KIRREL3: variants seen among roughly 807,000 people sequenced by gnomAD.
The protein encoded by KIRREL3 is kin of IRRE-like protein 3.
KIRREL3 carries 36 observed loss-of-function variants against 89.7 expected under a neutral mutation model. The observed-to-expected ratio is 0.40, with a 90% confidence interval of 0.31 to 0.53. The LOEUF (loss-of-function observed/expected upper bound fraction) is 0.53. KIRREL3 is among the 20% of genes least tolerant of loss of function. The pLI, the probability that KIRREL3 is intolerant of heterozygous loss-of-function variation, is 0.49. For synonymous variants in KIRREL3, 445 were observed against 441.4 expected (o/e 1.01, Z -0.10); for missense variants, 864 against 1,056.6 (o/e 0.82, Z 2.53).
Position 126,521,567 on chromosome 11 carries a change from G to T in KIRREL3, c.284-103C>A. Reference sequence around the variant, plus strand: ...GACCCAAGCAGGGGCCATTCTACAAGGCTGGCAGAGCGGGTGATTGCTCAG... The same window carrying T: ...GACCCAAGCAGGGGCCATTCTACAATGCTGGCAGAGCGGGTGATTGCTCAG... On this transcript the variant is annotated intron_variant, in intron 3 of 16. Coordinates refer to ENST00000525144, the MANE Select transcript of KIRREL3 (RefSeq NM_032531.4). This position sits in a 1 kb window ranked among gnomAD's most constrained non-coding sequence, Gnocchi z 4.1. 9.6e-7 allele frequency: 1 copy of T among 1,040,010 alleles called. No individual in the cohort carries two copies. Among genetic ancestry groups the T allele is most frequent in the Non-Finnish European group, 1.4e-6 (1 of 719,858 alleles). 64.4% of individuals were successfully genotyped at this position (1,040,010 alleles called of 1,614,324 possible). A position where few individuals can be genotyped will look rare whatever the true frequency, so the allele number is the denominator to read the frequency against.
At chr11:126,933,446 C>T (rs1269513054) in intron 1 of KIRREL3, among the ~76,000 whole-genome samples, 2 of 150,978 alleles carry the variant, frequency 1.3e-5, no homozygotes. Context: ...ATACTCTTTG[C>T]ATGTTTTAAA....
intron 1 of KIRREL3, among the ~76,000 whole-genome samples, chr11:126,589,286 G>A (rs1942025222): frequency 6.6e-6 from 1 of 152,240 alleles, no homozygotes; most frequent in African/African-American, 2.4e-5. Context: ...GGCAGCGTCT[G>A]CGTGCAGGGG....
rs549587747 is a variant in KIRREL3, at chr11:126,843,618, C to T, written c.55+156837G>A. Among the ~76,000 whole-genome samples the T allele has an allele frequency of 9.5e-4, 144 of 152,278 alleles. 2 individuals are homozygous for T. Among genetic ancestry groups the T allele is most frequent in the African/African-American group, 3.1e-3 (127 of 41,544 alleles). On this transcript the variant is annotated intron_variant, in intron 1 of 16. Coordinates refer to ENST00000525144, the MANE Select transcript of KIRREL3 (RefSeq NM_032531.4). The surrounding 1 kb of genome is among the most constrained non-coding windows in gnomAD (Gnocchi z 4.6). ...GTGTTTGAACCAGAGCAACTCCATCCTGAATAGGGGCTGGGTAAAATAAGG... is the reference window on the plus strand; with the variant it reads ...GTGTTTGAACCAGAGCAACTCCATCTTGAATAGGGGCTGGGTAAAATAAGG...
chr11:126,466,548 C>T (rs757877962), intron 5 of KIRREL3, among the ~76,000 whole-genome samples: 4 of 152,230 alleles, frequency 2.6e-5, no homozygotes, highest in Non-Finnish European at 5.9e-5. Flanking sequence ...GGGGGATCTG[C>T]ACCCCCGGGT....
At chr11:126,941,229 G>T (rs1052667427) in intron 1 of KIRREL3, among the ~76,000 whole-genome samples, 5 of 151,290 alleles carry the variant, frequency 3.3e-5, no homozygotes, top group African/African-American at 1.2e-4. Flanking sequence ...ATCATTTTTG[G>T]CAGTGGCCCA....
intron 5 of KIRREL3, among the ~76,000 whole-genome samples, chr11:126,468,421 C>T (rs958806039): frequency 2.0e-5 from 3 of 152,252 alleles, no homozygotes; most frequent in African/African-American, 4.8e-5. Context: ...GGCAGTGTGG[C>T]TCGCCCTGCA....
Position 126,608,824 on chromosome 11 carries a change from C to T in KIRREL3, c.56-45912G>A, listed in dbSNP as rs1943000655. ...GGGCCTAACTGCTGGGAGTGCACTT[C>T]TGGAGTGGAGATGGGCAATGGGGAT... On this transcript the variant is annotated intron_variant, in intron 1 of 16. Coordinates refer to ENST00000525144, the MANE Select transcript of KIRREL3 (RefSeq NM_032531.4). The surrounding 1 kb of genome is among the most constrained non-coding windows in gnomAD (Gnocchi z 4.9). 6.6e-6 allele frequency among the ~76,000 whole-genome samples: 1 copy of T among 152,138 alleles called. No individual in the cohort carries two copies. The highest frequency in any genetic ancestry group is 2.1e-4 in the South Asian group (1 of 4,828).
At chr11:126,809,708 C>T (rs1951318214) in intron 1 of KIRREL3, among the ~76,000 whole-genome samples, 2 of 152,158 alleles carry the variant, frequency 1.3e-5, no homozygotes, top group African/African-American at 2.4e-5. Context: ...CCTAAGGCCC[C>T]GCCCTGTACA....
chr11:126,970,293 T>TCTTCTTTTC lies in KIRREL3; in HGVS notation c.55+30153_55+30161dup, dbSNP rs1208755603. On this transcript the variant is annotated intron_variant, in intron 1 of 16. Transcript: ENST00000525144. The surrounding 1 kb of genome is among the most constrained non-coding windows in gnomAD (Gnocchi z 4.4). ...TAATTTGAGCTTTCTCAGGAAGTTC[T>TCTTCTTTTC]CTTCTTTTCCTTCTTTTCTTCCCTT... Among the ~76,000 whole-genome samples, 3 of 152,254 alleles carry TCTTCTTTTC rather than the reference T, an allele frequency of 2.0e-5. No homozygotes were observed. The highest frequency in any genetic ancestry group is 2.9e-5 in the Non-Finnish European group (2 of 68,050).
At chr11:126,507,270 G>T (rs1031823105) in intron 4 of KIRREL3, among the ~76,000 whole-genome samples, 1 of 152,062 alleles carries the variant, frequency 6.6e-6, no homozygotes, top group Non-Finnish European at 1.5e-5. Context: ...GGATTGTGGG[G>T]GTGGTTGCAC....
chr11:126,701,916 C>T (rs1016075847), intron 1 of KIRREL3, among the ~76,000 whole-genome samples: 5 of 152,100 alleles, frequency 3.3e-5, no homozygotes, highest in African/African-American at 7.2e-5. Flanking sequence ...AGTCAAGTCC[C>T]GGGGTCTCGA....
intron 1 of KIRREL3, among the ~76,000 whole-genome samples, chr11:126,725,901 G>A (rs1228681909): frequency 1.3e-5 from 2 of 152,242 alleles, no homozygotes; most frequent in Non-Finnish European, 2.9e-5. Context: ...CAGTTGGTCT[G>A]TGTCAGTAAC....
intron 1 of KIRREL3, among the ~76,000 whole-genome samples, chr11:126,711,625 A>T (rs771587959): frequency 5.9e-5 from 9 of 152,246 alleles, no homozygotes; most frequent in Non-Finnish European, 1.3e-4. Flanking sequence ...AAATAGCATA[A>T]TTAGTATCAT....
intron 1 of KIRREL3, among the ~76,000 whole-genome samples, chr11:126,585,201 G>C (rs1254451737): frequency 3.4e-5 from 5 of 147,572 alleles, no homozygotes; most frequent in Non-Finnish European, 5.9e-5. Context: ...TTACAGGCGT[G>C]AGCCACCGCG....
intron 4 of KIRREL3, among the ~76,000 whole-genome samples, chr11:126,502,555 T>G (rs1318678790): frequency 1.3e-5 from 2 of 152,250 alleles, no homozygotes; most frequent in African/African-American, 2.4e-5. Flanking sequence ...AGAATCACTC[T>G]TCCTTTTTCT....
At position 126,897,809 on chromosome 11, in the gene KIRREL3, T is replaced by C. The variant is rs916270633; in HGVS notation, c.55+102646A>G. On this transcript the variant is annotated intron_variant, in intron 1 of 16. Coordinates refer to ENST00000525144, the MANE Select transcript of KIRREL3 (RefSeq NM_032531.4). This position sits in a 1 kb window ranked among gnomAD's most constrained non-coding sequence, Gnocchi z 4.2. ...TGACCCTCTGATATAAAATTGATCC[T>C]CTGATAAGATGGCACTTGTGGGTTA... 6.6e-6 allele frequency among the ~76,000 whole-genome samples: 1 copy of C among 152,246 alleles called. No homozygotes were observed. The highest frequency in any genetic ancestry group is 1.5e-5 in the Non-Finnish European group (1 of 68,052).
At chr11:126,716,124 G>A (rs192375288) in intron 1 of KIRREL3, among the ~76,000 whole-genome samples, 1 of 152,028 alleles carries the variant, frequency 6.6e-6, no homozygotes, top group Non-Finnish European at 1.5e-5. Flanking sequence ...AGGGAGACAG[G>A]AGGGGAGAAG....
At chr11:126,901,995 C>T (rs1209880521) in intron 1 of KIRREL3, among the ~76,000 whole-genome samples, 1 of 152,174 alleles carries the variant, frequency 6.6e-6, no homozygotes, top group East Asian at 1.9e-4. Flanking sequence ...AGGGCTGGGC[C>T]CTGCCTCTCC....
chr11:126,787,596 G>T (rs1325344431), intron 1 of KIRREL3, among the ~76,000 whole-genome samples: 1 of 152,178 alleles, frequency 6.6e-6, no homozygotes, highest in Non-Finnish European at 1.5e-5. Flanking sequence ...AATTTTTAAT[G>T]AATGTAAATG....
Sources: gnomAD v4.1 joint callset for allele counts (sites outside exome capture counted in the v4.1 genomes callset) on GRCh38, gnomAD v4.1.1 for gene constraint, Gnocchi (gnomAD v3.1) non-coding constraint, MANE v1.5 for transcripts, NCBI Gene and HGNC (gene_info 2026-07-23, HGNC 2026-07-21) for gene names.